Variants in LRFN5 observed in about 807,000 individuals in gnomAD.
The protein encoded by LRFN5 is leucine rich repeat and fibronectin type III domain containing 5, also known as leucine-rich repeat and fibronectin type-III domain-containing protein 5.
Under a neutral mutation model 45.6 loss-of-function variants are expected in LRFN5, and 24 were observed. That is an observed-to-expected ratio of 0.53 (90% CI 0.38 to 0.74). The LOEUF (loss-of-function observed/expected upper bound fraction) is 0.74, where lower values mean the gene tolerates loss of function less well. LRFN5 is among the 30% of genes least tolerant of loss of function. LRFN5 has a pLI of 0.00. For synonymous variants in LRFN5, 340 were observed against 313.8 expected, an observed-to-expected ratio of 1.08 and a Z score of -0.88; for missense variants, 776 against 861.5, an observed-to-expected ratio of 0.90 and a Z score of 1.24.
intron 1 of LRFN5, among the ~76,000 whole-genome samples, chr14:41,722,537 T>C (rs1439073862): frequency 6.6e-6 from 1 of 151,732 alleles, no homozygotes; most frequent in African/African-American, 2.4e-5. Context: ...TTTTTCTTTT[T>C]CTTTCTCTCC....
At chr14:41,762,830 T>C (rs1885725841) in intron 1 of LRFN5, among the ~76,000 whole-genome samples, 1 of 152,066 alleles carries the variant, frequency 6.6e-6, no homozygotes, top group South Asian at 2.1e-4. Context: ...AAACAGCTGG[T>C]TTTTGCATCA....
chr14:41,800,041 A>G (rs1887271773), intron 2 of LRFN5, among the ~76,000 whole-genome samples: 1 of 152,084 alleles, frequency 6.6e-6, no homozygotes, highest in Non-Finnish European at 1.5e-5. Flanking sequence ...AAGTATTTTT[A>G]CTTAATATGA....
chr14:41,781,594 A>AAGGAAAGAAAGAAAG (rs1886504865), intron 2 of LRFN5, among the ~76,000 whole-genome samples: 5 of 102,876 alleles, frequency 4.9e-5, no homozygotes, highest in Admixed American at 1.9e-4. Flanking sequence ...GAAAGAAAGA[A>AAGGAAAGAAAGAAAG]AGAAAGAAAG....
intron 1 of LRFN5, among the ~76,000 whole-genome samples, chr14:41,723,024 A>T (rs901027838): frequency 6.6e-6 from 1 of 152,158 alleles, no homozygotes; most frequent in Non-Finnish European, 1.5e-5. Flanking sequence ...AGCTCTCTGC[A>T]TAGTAGGTGG....
intron 1 of LRFN5, among the ~76,000 whole-genome samples, chr14:41,649,071 A>G (rs974911328): frequency 1.3e-5 from 2 of 152,078 alleles, no homozygotes; most frequent in African/African-American, 4.8e-5. Flanking sequence ...GTCTCTACTA[A>G]AAAAATACAA....
At chr14:41,888,095 C>A in intron 3 of LRFN5, 85 bp downstream of exon 3, 1 of 1,021,332 alleles carries the variant, frequency 9.8e-7, no homozygotes, top group Non-Finnish European at 1.4e-6. Context: ...TTTTAATTGG[C>A]AGTGCTGTTC....
intron 2 of LRFN5, among the ~76,000 whole-genome samples, chr14:41,775,795 T>C (rs1479821792): frequency 6.6e-6 from 1 of 152,242 alleles, no homozygotes; most frequent in Non-Finnish European, 1.5e-5. Context: ...AATAAAATTA[T>C]ATGTAATTTT....
intron 2 of LRFN5, among the ~76,000 whole-genome samples, chr14:41,818,216 C>A (rs1006905191): frequency 4.6e-5 from 7 of 151,848 alleles, no homozygotes; most frequent in Non-Finnish European, 7.4e-5. Context: ...CCATTTCATT[C>A]TATTTCCTGG....
intron 1 of LRFN5, among the ~76,000 whole-genome samples, chr14:41,763,559 C>T (rs999686473): frequency 1.3e-5 from 2 of 152,106 alleles, no homozygotes; most frequent in African/African-American, 4.8e-5. Context: ...GCCCATGTGT[C>T]GTGTCGTGGG....
chr14:41,729,454 C>T (rs2077909398), intron 1 of LRFN5, among the ~76,000 whole-genome samples: 1 of 152,042 alleles, frequency 6.6e-6, no homozygotes, highest in Non-Finnish European at 1.5e-5. Context: ...ATTAAACCTC[C>T]TTTCTTTATA....
At chr14:41,823,643 A>AT (rs1024214631) in intron 2 of LRFN5, among the ~76,000 whole-genome samples, 3 of 151,934 alleles carry the variant, frequency 2.0e-5, no homozygotes, top group Admixed American at 6.6e-5. Context: ...CTTGCAATGT[A>AT]TTTTTCAGTA....
At position 41,671,617 on chromosome 14, in the gene LRFN5, G is replaced by GTTTTTTTTTTTTTTTTTTTTT. The variant is rs914212982; in HGVS notation, c.-197+63075_-197+63076insTTTTTTTTTTTTTTTTTTTTT. Among the ~76,000 whole-genome samples the GTTTTTTTTTTTTTTTTTTTTT allele has an allele frequency of 1.0e-4, 8 of 78,026 alleles. 2 individuals are homozygous for GTTTTTTTTTTTTTTTTTTTTT. Among genetic ancestry groups the GTTTTTTTTTTTTTTTTTTTTT allele is most frequent in the African/African-American group, 1.1e-4 (2 of 18,600 alleles). The allele number at this position is 78,026 out of a possible 152,430, so 51.2% of individuals were successfully genotyped here. A position where few individuals can be genotyped will look rare whatever the true frequency, so the allele number is the denominator to read the frequency against. ...TGTGGAGGAGAGATTTTTTTTTTTC[G>GTTTTTTTTTTTTTTTTTTTTT]TTTTTTTTTTTTTTTTTTTTACGGA... is the stretch of plus-strand genomic sequence containing the variant. On this transcript the variant is annotated intron_variant, in intron 1 of 5. Transcript: ENST00000298119.
At chr14:41,789,295 T>A (rs1261858976) in intron 2 of LRFN5, among the ~76,000 whole-genome samples, 4 of 152,046 alleles carry the variant, frequency 2.6e-5, no homozygotes, top group African/African-American at 7.2e-5. Flanking sequence ...TTGTTCCAAC[T>A]ATTGGATATA....
chr14:41,613,647 C>G (rs974142300), intron 1 of LRFN5, among the ~76,000 whole-genome samples: 1 of 151,694 alleles, frequency 6.6e-6, no homozygotes, highest in Non-Finnish European at 1.5e-5. Context: ...ATAAAAGACT[C>G]TAGAAAAGAA....
At chr14:41,883,790 G>A (rs1161298799) in intron 2 of LRFN5, among the ~76,000 whole-genome samples, 1 of 151,952 alleles carries the variant, frequency 6.6e-6, no homozygotes, top group Admixed American at 6.6e-5. Flanking sequence ...TCTTGGTATG[G>A]TTTCATTGTG....
At chr14:41,719,110 G>A (rs1038612833) in intron 1 of LRFN5, among the ~76,000 whole-genome samples, 3 of 152,086 alleles carry the variant, frequency 2.0e-5, no homozygotes, top group Non-Finnish European at 4.4e-5. Flanking sequence ...AGAATTGTCA[G>A]TCATTAGAAT....
At chr14:41,791,427 A>T (rs1886916658) in intron 2 of LRFN5, among the ~76,000 whole-genome samples, 1 of 151,996 alleles carries the variant, frequency 6.6e-6, no homozygotes, top group South Asian at 2.1e-4. Flanking sequence ...GGAGTGACCA[A>T]TTATGTCTGA....
intron 2 of LRFN5, among the ~76,000 whole-genome samples, chr14:41,858,468 C>T (rs1344612171): frequency 6.6e-6 from 1 of 152,062 alleles, no homozygotes; most frequent in East Asian, 1.9e-4. Context: ...AATGTCTCAG[C>T]TCTTGGCCTC....
chr14:41,704,448 C>CTCTGTGTGTGTGTGTGTG (rs200253065), intron 1 of LRFN5, among the ~76,000 whole-genome samples: 126 of 124,286 alleles, frequency 1.0e-3, no homozygotes, highest in African/African-American at 4.1e-3. Context: ...CTCTCTCTCT[C>CTCTGTGTGTGTGTGTGTG]TGTGTGTGTG....
Sources: gnomAD v4.1 joint callset for allele counts (sites outside exome capture counted in the v4.1 genomes callset) on GRCh38, gnomAD v4.1.1 for gene constraint, MANE v1.5 for transcripts, NCBI Gene and HGNC (gene_info 2026-07-23, HGNC 2026-07-21) for gene names.